INSC: variants seen among roughly 807,000 people sequenced by gnomAD.
INSC encodes the protein protein inscuteable homolog.
INSC carries 67 observed loss-of-function variants against 58.6 expected under a neutral mutation model. The observed-to-expected ratio is 1.14, with a 90% confidence interval of 0.94 to 1.40. INSC has a LOEUF of 1.40. Ranked by LOEUF, INSC falls within the 40% of genes most tolerant of loss-of-function variation. The pLI is 0.00. For synonymous variants in INSC, 262 were observed against 276.1 expected, an observed-to-expected ratio of 0.95 and a Z score of 0.51; for missense variants, 714 against 692.0, an observed-to-expected ratio of 1.03 and a Z score of -0.36.
intron 1 of INSC, among the ~76,000 whole-genome samples, chr11:15,136,913 A>G (rs1442306017): frequency 2.0e-5 from 3 of 152,200 alleles, no homozygotes; most frequent in Non-Finnish European, 4.4e-5. Flanking sequence ...AAGGATTTCA[A>G]TTTATTATGC....
At chr11:15,223,506 C>T (rs1010826420) in intron 8 of INSC, among the ~76,000 whole-genome samples, 3 of 152,216 alleles carry the variant, frequency 2.0e-5, no homozygotes, top group African/African-American at 7.2e-5. Context: ...TCAATTTAAT[C>T]TTCCTAACAC....
chr11:15,169,207 G>A (rs1399839575), intron 2 of INSC, among the ~76,000 whole-genome samples: 2 of 152,052 alleles, frequency 1.3e-5, no homozygotes, highest in Non-Finnish European at 2.9e-5. Flanking sequence ...GGTTCCCGAT[G>A]TAGCTAGGCA....
rs780086191 is a variant in INSC, at chr11:15,238,899, G to T, written c.1238-20G>T. 1 of 1,610,642 alleles carries T rather than the reference G, an allele frequency of 6.2e-7. No individual in the cohort carries two copies. The highest frequency in any genetic ancestry group is 8.5e-7 in the Non-Finnish European group (1 of 1,177,980). ...CTCCATGCTGGGGTAGGTACCAACT[G>T]TTCCTTGCTTCCTGCCTAGGGGTCC... On this transcript the variant is annotated intron_variant, in intron 10 of 12. Transcript: ENST00000379556.
Position 15,224,784 on chromosome 11 carries a change from C to G in INSC, c.992-866C>G, listed in dbSNP as rs1431219822. On this transcript the variant is annotated intron_variant, in intron 8 of 12. Coordinates refer to ENST00000379556, the MANE Select transcript of INSC (RefSeq NM_001042536.3). ...GGTGGAAGGATAAGGTTACTCTGCT[C>G]CTTAAAGGCCCTTAGTACAATTACA... Among the ~76,000 whole-genome samples, 4 of 152,126 alleles carry G rather than the reference C, an allele frequency of 2.6e-5. No homozygotes were observed. In the East Asian group the frequency reaches 7.7e-4, roughly 29 times the overall value.
At chr11:15,164,867 T>A (rs527541946) in intron 2 of INSC, among the ~76,000 whole-genome samples, 76 of 152,220 alleles carry the variant, frequency 5.0e-4, no homozygotes, top group African/African-American at 1.8e-3. Context: ...AGTGAATAAG[T>A]CTCACGAGAT....
intron 1 of INSC, among the ~76,000 whole-genome samples, chr11:15,132,534 G>C (rs544876169): frequency 2.6e-4 from 39 of 152,242 alleles, no homozygotes; most frequent in African/African-American, 9.4e-4. Flanking sequence ...TGATCCTCCT[G>C]CCTCAGCTTT....
the INSC span, among the ~76,000 whole-genome samples, chr11:15,257,164 G>A: frequency 6.6e-6 from 1 of 152,136 alleles, no homozygotes; most frequent in African/African-American, 2.4e-5. Context: ...CAGCCACATG[G>A]TCTTGGCAAG....
chr11:15,124,121 G>A (rs369133406), intron 1 of INSC, among the ~76,000 whole-genome samples: 4 of 152,100 alleles, frequency 2.6e-5, no homozygotes, highest in Admixed American at 1.3e-4. Flanking sequence ...CTATCCATCC[G>A]TGAACAAGAG....
chr11:15,224,342 T>C (rs578011108), intron 8 of INSC, among the ~76,000 whole-genome samples: 2 of 152,310 alleles, frequency 1.3e-5, no homozygotes, highest in South Asian at 4.1e-4. Context: ...TTGACTAATG[T>C]TATTGGTAGA....
At chr11:15,160,201 T>A (rs1245799662) in intron 2 of INSC, among the ~76,000 whole-genome samples, 4 of 152,050 alleles carry the variant, frequency 2.6e-5, no homozygotes, top group Admixed American at 2.6e-4. Flanking sequence ...ACATGGGACA[T>A]AAATTTGTTG....
chr11:15,190,173 T>C (rs764257687), intron 5 of INSC, among the ~76,000 whole-genome samples: 53 of 152,318 alleles, frequency 3.5e-4, no homozygotes, highest in Non-Finnish European at 6.2e-4. Flanking sequence ...GGAGAGCAAA[T>C]GTCCAAGAAA....
chr11:15,120,824 A>G (rs1278551524), intron 1 of INSC, among the ~76,000 whole-genome samples: 1 of 152,190 alleles, frequency 6.6e-6, no homozygotes, highest in Non-Finnish European at 1.5e-5. Context: ...TCCTATTTTT[A>G]TGTCACTCTA....
At chr11:15,256,881 G>A in the INSC span, among the ~76,000 whole-genome samples, 35 of 152,286 alleles carry the variant, frequency 2.3e-4, no homozygotes, top group Admixed American at 2.0e-3. Context: ...AGGTGGCGGG[G>A]TGGACACTCA....
At chr11:15,261,038 T>A in the INSC span, among the ~76,000 whole-genome samples, 1 of 152,168 alleles carries the variant, frequency 6.6e-6, no homozygotes, top group Admixed American at 6.5e-5. Context: ...TAATTGATAG[T>A]GTGTTCTTGC....
intron 1 of INSC, among the ~76,000 whole-genome samples, chr11:15,138,533 T>A (rs182247363): frequency 6.6e-6 from 1 of 152,192 alleles, no homozygotes; most frequent in Non-Finnish European, 1.5e-5. Context: ...TTAAATCATA[T>A]CTCTTCTATG....
chr11:15,221,870 G>T (rs2133933070), intron 8 of INSC, among the ~76,000 whole-genome samples: 1 of 152,294 alleles, frequency 6.6e-6, no homozygotes, highest in South Asian at 2.1e-4. Context: ...GGCCCTCTGA[G>T]AAGCAACCTG....
chr11:15,187,455 T>C (rs1392616587), intron 5 of INSC, among the ~76,000 whole-genome samples: 1 of 152,186 alleles, frequency 6.6e-6, no homozygotes, highest in Admixed American at 6.5e-5. Context: ...GTCTGACTTA[T>C]GGACTTTCCA....
chr11:15,178,639 G>A (rs1849658044), intron 5 of INSC, among the ~76,000 whole-genome samples, 192 bp downstream of exon 5: 1 of 152,176 alleles, frequency 6.6e-6, no homozygotes. Flanking sequence ...GGCTTCCTGA[G>A]CACCTAACCC....
chr11:15,215,638 TG>T (rs1443176287), intron 7 of INSC, among the ~76,000 whole-genome samples: 1 of 152,224 alleles, frequency 6.6e-6, no homozygotes, highest in Admixed American at 6.5e-5. Context: ...ATCAGTAAAC[TG>T]CTGTGTGTTA....
Sources: gnomAD v4.1 joint callset for allele counts (sites outside exome capture counted in the v4.1 genomes callset) on GRCh38, gnomAD v4.1.1 for gene constraint, MANE v1.5 for transcripts, NCBI Gene and HGNC (gene_info 2026-07-23, HGNC 2026-07-21) for gene names.